Variants in GNL3L observed in about 807,000 individuals in gnomAD.
GNL3L encodes the protein G protein nucleolar 3 like.
Under a neutral mutation model 42.9 loss-of-function variants are expected in GNL3L, and 4 were observed. That is an observed-to-expected ratio of 0.09 (90% confidence interval 0.05 to 0.21). The LOEUF (loss-of-function observed/expected upper bound fraction) is 0.21, where lower values mean the gene tolerates loss of function less well. Ranked by LOEUF, GNL3L falls within the 10% of genes least tolerant of loss-of-function variation. The pLI is 1.00. For missense variants in GNL3L, 412 were observed against 481.7 expected (o/e 0.86, Z 1.36); for synonymous variants, 159 against 176.3 (o/e 0.90, Z 0.78).
chrX:54,617,953 T>C (rs1157583407), intron 16 of GNL3L, among the ~76,000 whole-genome samples: 1 of 112,147 alleles, frequency 8.9e-6, no homozygotes, highest in Non-Finnish European at 1.9e-5. Context: ...AATGGGTCTC[T>C]TTCAGTCTTC....
downstream of GNL3L, among the ~76,000 whole-genome samples, chrX:54,571,427 C>T (rs1439244425): frequency 1.8e-5 from 2 of 108,214 alleles, no homozygotes; most frequent in African/African-American, 3.4e-5. Context: ...GATCTCCTGA[C>T]CTCGTGATCC....
At chrX:54,555,743 A>C in intron 14 of GNL3L, among the ~76,000 whole-genome samples, 1 of 103,205 alleles carries the variant, frequency 9.7e-6, no homozygotes, top group Admixed American at 1.1e-4. Context: ...GGCCTCCCAA[A>C]GTGCTGGGAT....
chrX:54,607,732 T>G (rs1436234484), intron 16 of GNL3L, among the ~76,000 whole-genome samples: 1 of 112,258 alleles, frequency 8.9e-6, no homozygotes, highest in Non-Finnish European at 1.9e-5. Flanking sequence ...AAGTCACATG[T>G]AGCTGGTGGC....
At chrX:54,573,110 C>T (rs1266025741) in intron 16 of GNL3L, among the ~76,000 whole-genome samples, 1 of 111,386 alleles carries the variant, frequency 9.0e-6, no homozygotes. Context: ...GATGGGTGGC[C>T]AGGCAGAGAC....
intron 16 of GNL3L, among the ~76,000 whole-genome samples, chrX:54,580,979 C>T (rs1274131592): frequency 1.8e-5 from 2 of 109,786 alleles, no homozygotes; most frequent in Non-Finnish European, 3.8e-5. Context: ...CGGGGTTTCC[C>T]CATGTTGGCC....
intron 16 of GNL3L, among the ~76,000 whole-genome samples, chrX:54,590,482 T>C (rs761982326): frequency 8.9e-6 from 1 of 112,083 alleles, no homozygotes; most frequent in East Asian, 2.8e-4. Context: ...GTTCCATTGA[T>C]GAAAGAGTTG....
chrX:54,635,483 G>A, the GNL3L span, among the ~76,000 whole-genome samples: 1 of 111,291 alleles, frequency 9.0e-6, no homozygotes, highest in South Asian at 3.7e-4. Context: ...TGTATGTTTT[G>A]TGATATTTTT....
the GNL3L span, among the ~76,000 whole-genome samples, chrX:54,637,908 T>A: frequency 9.0e-6 from 1 of 111,704 alleles, no homozygotes; most frequent in East Asian, 2.8e-4. Flanking sequence ...AGATGTAAGA[T>A]GCTTGGCCAG....
At chrX:54,576,555 C>T (rs1016903450) in intron 16 of GNL3L, among the ~76,000 whole-genome samples, 7 of 110,987 alleles carry the variant, frequency 6.3e-5, no homozygotes, top group Non-Finnish European at 1.3e-4. Context: ...TCTTGGCTCA[C>T]GGCAACCTCT....
intron 16 of GNL3L, among the ~76,000 whole-genome samples, chrX:54,607,008 CTTTCTT>C (rs1415745382): frequency 0.048 from 1,779 of 37,226 alleles, 95 homozygotes; most frequent in Admixed American, 0.076. Flanking sequence ...TTCTTTCTTT[CTTTCTT>C]TCTTTCTTTC....
At chrX:54,621,938 T>G (rs1350377163), downstream of GNL3L, among the ~76,000 whole-genome samples, 1 of 112,138 alleles carries the variant, frequency 8.9e-6, no homozygotes, top group Non-Finnish European at 1.9e-5. Context: ...TATTGTATTC[T>G]TATCTGGTTC....
the GNL3L span, among the ~76,000 whole-genome samples, chrX:54,638,204 G>C: frequency 9.0e-6 from 1 of 111,110 alleles, no homozygotes; most frequent in Non-Finnish European, 1.9e-5. Context: ...TTGTGGGACT[G>C]GATCTGATCA....
chrX:54,562,112 C>G lies in GNL3L; in HGVS notation c.*1510C>G, dbSNP rs1377137376. On this transcript the variant is annotated 3_prime_UTR_variant, in exon 16 of 16. Coordinates refer to ENST00000360845, the MANE Select transcript of GNL3L (RefSeq NM_001184819.2). ...CCAGGCTGGAGTGCAATGGCGTGAT[C>G]TCGGCTCACTGCAACCTCTGCCTCC... Among the ~76,000 whole-genome samples, 1 of 112,058 alleles carries G rather than the reference C, an allele frequency of 8.9e-6. No homozygotes were observed. Among genetic ancestry groups the G allele is most frequent in the Non-Finnish European group, 1.9e-5 (1 of 53,219 alleles).
rs1184802793 is a variant in GNL3L at position 54,564,496 on chromosome X, C to T, written c.*3894C>T. Among the ~76,000 whole-genome samples, 3 of 104,705 alleles carry T rather than the reference C, an allele frequency of 2.9e-5. No individual in the cohort carries two copies. The highest frequency in any genetic ancestry group is 6.0e-4 in the East Asian group (2 of 3,354). The allele number at this position is 104,705 out of a possible 115,157, so 90.9% of individuals were successfully genotyped here. ...GATCTCGGTTCACTGCAACCTCCGC[C>T]TCCAGGGTTCAAGCGGTTCTCCTGC... On this transcript the variant is annotated 3_prime_UTR_variant, in exon 16 of 16. Coordinates refer to ENST00000360845, the MANE Select transcript of GNL3L (RefSeq NM_001184819.2).
intron 16 of GNL3L, among the ~76,000 whole-genome samples, chrX:54,572,943 C>G (rs376180128): frequency 9.5e-6 from 1 of 105,448 alleles, no homozygotes; most frequent in Non-Finnish European, 1.9e-5. Context: ...ACATCCCAGA[C>G]GATGGGCGGC....
chrX:54,577,432 TG>T (rs1264163819), intron 16 of GNL3L, among the ~76,000 whole-genome samples: 1 of 112,087 alleles, frequency 8.9e-6, no homozygotes, highest in Non-Finnish European at 1.9e-5. Flanking sequence ...ACTTTTTTTT[TG>T]TTTGGTGAGA....
At chrX:54,611,497 T>C (rs1210630750) in intron 16 of GNL3L, among the ~76,000 whole-genome samples, 1 of 111,829 alleles carries the variant, frequency 8.9e-6, no homozygotes, top group African/African-American at 3.2e-5. Flanking sequence ...GACTATAAAC[T>C]TTCCTCTTAG....
chrX:54,586,303 T>C (rs1311703567), intron 16 of GNL3L, among the ~76,000 whole-genome samples: 1 of 110,591 alleles, frequency 9.0e-6, no homozygotes, highest in Non-Finnish European at 1.9e-5. Context: ...GAGACTAACA[T>C]AGGGAGCTCC....
chrX:54,551,156 CT>C, intron 10 of GNL3L, 106 bp downstream of exon 10: 1 of 531,199 alleles, frequency 1.9e-6, no homozygotes, highest in Admixed American at 2.7e-5. Flanking sequence ...GGACCATCCC[CT>C]GATGCTTTCC....
Sources: gnomAD v4.1 joint callset for allele counts (sites outside exome capture counted in the v4.1 genomes callset) on GRCh38, gnomAD v4.1.1 for gene constraint, MANE v1.5 for transcripts, NCBI Gene and HGNC (gene_info 2026-07-23, HGNC 2026-07-21) for gene names.